LRRC49: variants seen among roughly 807,000 people sequenced by gnomAD.
LRRC49 encodes leucine rich repeat containing 49, also known as leucine-rich repeat-containing protein 49.
A neutral mutation model predicts 83.3 loss-of-function variants in LRRC49; 50 were observed. That is an observed-to-expected ratio of 0.60 (90% CI 0.48 to 0.76). The LOEUF (loss-of-function observed/expected upper bound fraction) is 0.76. Among genes scored for constraint, LRRC49 ranks in the 30% least tolerant of loss-of-function variants. The pLI is 0.00. For missense variants in LRRC49, 704 were observed against 809.1 expected, an observed-to-expected ratio of 0.87 and a Z score of 1.58; for synonymous variants, 286 against 283.3, an observed-to-expected ratio of 1.01 and a Z score of -0.10.
chr15:71,038,100 A>G (rs952140515), intron 15 of LRRC49, among the ~76,000 whole-genome samples: 7 of 152,342 alleles, frequency 4.6e-5, no homozygotes, highest in African/African-American at 1.7e-4. Flanking sequence ...CTGAGCATCT[A>G]TGACTCATGT....
At chr15:71,045,784 G>A (rs2039836975) in intron 15 of LRRC49, among the ~76,000 whole-genome samples, 1 of 152,046 alleles carries the variant, frequency 6.6e-6, no homozygotes, top group Admixed American at 6.6e-5. Flanking sequence ...CTGGGGTTTG[G>A]AGTATGGATC....
chr15:70,973,275 C>T lies in LRRC49; in HGVS notation c.922-6826C>T, dbSNP rs550402321. On this transcript the variant is annotated intron_variant, in intron 9 of 15. Transcript: ENST00000260382. ...TCTGCTGGAGTTTGCTGGGGGTCCA[C>T]TCCACACCCTGTTTGCCTGGGTGTC... is the stretch of plus-strand genomic sequence containing the variant. Among the ~76,000 whole-genome samples, 6 of 152,306 alleles carry T rather than the reference C, an allele frequency of 3.9e-5. No homozygotes were observed. The South Asian group carries it at 1.2e-3, about 32-fold the overall frequency.
chr15:70,865,404 G>A (rs535711024), intron 1 of LRRC49, among the ~76,000 whole-genome samples: 25 of 152,218 alleles, frequency 1.6e-4, no homozygotes, highest in South Asian at 8.3e-4. Flanking sequence ...TCATGGTTGC[G>A]TCTAACAAAA....
intron 1 of LRRC49, chr15:70,893,221 C>G: frequency 1.7e-6 from 1 of 575,734 alleles, no homozygotes; most frequent in South Asian, 2.3e-5. Flanking sequence ...CCAGTCAATT[C>G]CTTTTTCTTT....
chr15:70,974,636 C>T (rs146076507), intron 9 of LRRC49, among the ~76,000 whole-genome samples: 112 of 151,810 alleles, frequency 7.4e-4, no homozygotes, highest in African/African-American at 2.6e-3. Flanking sequence ...TGGCAAACTA[C>T]AGCCTATGGG....
At chr15:70,967,689 G>T (rs2036839814) in intron 9 of LRRC49, among the ~76,000 whole-genome samples, 1 of 152,044 alleles carries the variant, frequency 6.6e-6, no homozygotes, top group Admixed American at 6.6e-5. Flanking sequence ...AATATTTTAG[G>T]CTTTGGGGCC....
chr15:70,942,395 C>T (rs182221096), intron 8 of LRRC49, among the ~76,000 whole-genome samples: 44 of 152,134 alleles, frequency 2.9e-4, no homozygotes, highest in South Asian at 4.2e-4. Flanking sequence ...GACCAACATA[C>T]GTTTTATGAT....
chr15:71,048,078 ATT>A (rs760450220), intron 15 of LRRC49, among the ~76,000 whole-genome samples: 59 of 106,708 alleles, frequency 5.5e-4, no homozygotes, highest in Admixed American at 1.3e-3. Flanking sequence ...ACCGGGCCAA[ATT>A]TTTTTTTTTT....
At chr15:70,878,491 G>A (rs917864920) in intron 2 of LRRC49, among the ~76,000 whole-genome samples, 2 of 150,740 alleles carry the variant, frequency 1.3e-5, no homozygotes, top group African/African-American at 2.4e-5. Flanking sequence ...TCAGTATGAT[G>A]TTGAATAAAA....
intron 1 of LRRC49, chr15:70,854,091 C>T: frequency 1.5e-6 from 2 of 1,290,374 alleles, no homozygotes; most frequent in Non-Finnish European, 2.0e-6. Context: ...TGGGCCATGG[C>T]TCGCGGGACT....
chr15:71,040,369 G>A (rs1199758103), intron 15 of LRRC49, among the ~76,000 whole-genome samples: 1 of 152,138 alleles, frequency 6.6e-6, no homozygotes, highest in African/African-American at 2.4e-5. Context: ...TCCCATGGGT[G>A]TAGGTAAAAC....
At chr15:71,034,101 C>A (rs2039444287) in intron 14 of LRRC49, among the ~76,000 whole-genome samples, 1 of 152,100 alleles carries the variant, frequency 6.6e-6, no homozygotes, top group African/African-American at 2.4e-5. Context: ...AACAAGGCAA[C>A]CTACAGAATG....
At chr15:70,990,724 C>T (rs549644346) in intron 11 of LRRC49, among the ~76,000 whole-genome samples, 6 of 152,340 alleles carry the variant, frequency 3.9e-5, no homozygotes, top group South Asian at 2.1e-4. Flanking sequence ...CCGTCTTCTG[C>T]GTCACTCACG....
chr15:70,986,753 C>A lies in LRRC49; in HGVS notation c.1169+2496C>A, dbSNP rs974567168. On this transcript the variant is annotated intron_variant, in intron 11 of 15. Coordinates refer to ENST00000260382, the MANE Select transcript of LRRC49 (RefSeq NM_017691.5). The stretch of plus-strand genomic sequence containing the variant: ...TGCTTCCAGTTTTTGCCCATTCAGT[C>A]TGATATTGGCTGTGGGATTGTCATA... Among the ~76,000 whole-genome samples, 542 of 152,172 alleles carry A rather than the reference C, an allele frequency of 3.6e-3. 14 individuals are homozygous for A. Among genetic ancestry groups the A allele is most frequent in the Non-Finnish European group, 9.3e-4 (63 of 68,008 alleles).
intron 7 of LRRC49, among the ~76,000 whole-genome samples, chr15:70,930,087 G>A (rs1471073115): frequency 6.6e-6 from 1 of 152,056 alleles, no homozygotes; most frequent in African/African-American, 2.4e-5. Flanking sequence ...ATTCTTTCTA[G>A]AAAGTTTTCA....
chr15:70,932,709 CT>C (rs1178352507), intron 7 of LRRC49, among the ~76,000 whole-genome samples: 1 of 142,674 alleles, frequency 7.0e-6, no homozygotes, highest in Non-Finnish European at 1.5e-5. Context: ...CTTTTCTTTT[CT>C]TTTTTCTTTC....
intron 5 of LRRC49, among the ~76,000 whole-genome samples, chr15:70,905,002 AGGGAAGTAAATAG>A (rs2034245574): frequency 6.6e-6 from 1 of 152,194 alleles, no homozygotes; most frequent in Admixed American, 6.5e-5. Context: ...TGTATCTTAT[AGGGAAGTAAATAG>A]CAGACTTTGG....
At chr15:71,029,005 T>C (rs2039263646) in intron 14 of LRRC49, among the ~76,000 whole-genome samples, 1 of 152,194 alleles carries the variant, frequency 6.6e-6, no homozygotes, top group African/African-American at 2.4e-5. Context: ...ATTTCTTTGC[T>C]CTTGTTTCTC....
chr15:71,032,371 C>T (rs1019416618), intron 14 of LRRC49, among the ~76,000 whole-genome samples: 6 of 152,044 alleles, frequency 3.9e-5, no homozygotes, highest in Admixed American at 2.6e-4. Flanking sequence ...AGAAATCACC[C>T]GCCTTCTGTG....
Sources: gnomAD v4.1 joint callset for allele counts (sites outside exome capture counted in the v4.1 genomes callset) on GRCh38, gnomAD v4.1.1 for gene constraint, MANE v1.5 for transcripts, NCBI Gene and HGNC (gene_info 2026-07-23, HGNC 2026-07-21) for gene names.